Variants in LRRC8C observed in about 807,000 individuals in gnomAD.
LRRC8C encodes leucine rich repeat containing 8 VRAC subunit C.
A neutral mutation model predicts 55.3 loss-of-function variants in LRRC8C; 20 were observed. The observed-to-expected ratio is 0.36, with a 90% confidence interval of 0.25 to 0.53. The LOEUF (loss-of-function observed/expected upper bound fraction) is 0.53. Ranked by LOEUF, LRRC8C falls within the 20% of genes least tolerant of loss-of-function variation. The pLI, the probability that LRRC8C is intolerant of heterozygous loss-of-function variation, is 0.92. For missense variants in LRRC8C, 659 were observed against 951.4 expected (o/e 0.69, Z 4.04); for synonymous variants, 376 against 360.7 (o/e 1.04, Z -0.48).
At chr1:89,711,171 A>T (rs1326992262) in intron 2 of LRRC8C, among the ~76,000 whole-genome samples, 1 of 152,220 alleles carries the variant, frequency 6.6e-6, no homozygotes, top group Non-Finnish European at 1.5e-5. Flanking sequence ...GACTATTGGC[A>T]ATTTTGGATT....
At chr1:89,699,868 C>T (rs191857633) in intron 2 of LRRC8C, among the ~76,000 whole-genome samples, 88 of 152,318 alleles carry the variant, frequency 5.8e-4, no homozygotes, top group African/African-American at 1.9e-3. Flanking sequence ...TTTTCATTCT[C>T]ATTCTCACCA....
At chr1:89,705,997 A>G (rs774409495) in intron 2 of LRRC8C, among the ~76,000 whole-genome samples, 1 of 152,144 alleles carries the variant, frequency 6.6e-6, no homozygotes, top group Admixed American at 6.5e-5. Context: ...AGTGATCCCA[A>G]TAAAAATACT....
At chr1:89,683,592 A>T (rs999605664) in intron 1 of LRRC8C, among the ~76,000 whole-genome samples, 2 of 152,080 alleles carry the variant, frequency 1.3e-5, no homozygotes, top group Non-Finnish European at 2.9e-5. Context: ...TCCTGACCTC[A>T]TGATCCACCA....
At chr1:89,618,096 C>T in the LRRC8C span, among the ~76,000 whole-genome samples, 2 of 152,290 alleles carry the variant, frequency 1.3e-5, no homozygotes, top group Admixed American at 1.3e-4. Context: ...CTCCAGCCCC[C>T]TTCCCCTCCT....
Position 89,713,857 on chromosome 1 carries a change from T to A in LRRC8C, c.1287T>A (p.Pro429=), listed in dbSNP as rs1188338687. ...ATGCCCATAATCGACTGGAATTGCCTCTTATCATGCTCTCTGGCCTTCCAG... is the reference window on the plus strand; with the variant it reads ...ATGCCCATAATCGACTGGAATTGCCACTTATCATGCTCTCTGGCCTTCCAG... ...QTNAHNRLEL[P]LIMLSGLPDT... Residue 429 remains proline, a synonymous_variant, in exon 3 of 3, where the codon CCT becomes CCA. Coordinates refer to ENST00000370454, the MANE Select transcript of LRRC8C (RefSeq NM_032270.5). The surrounding 1 kb of genome is among the most constrained non-coding windows in gnomAD (Gnocchi z 5.2). 1 of 1,614,234 alleles carries A rather than the reference T, an allele frequency of 6.2e-7. No homozygotes were observed. The highest frequency in any genetic ancestry group is 1.3e-5 in the African/African-American group (1 of 75,060).
At chr1:89,708,789 C>T (rs1658561608) in intron 2 of LRRC8C, 1 of 152,162 alleles carries the variant, frequency 6.6e-6, no homozygotes, top group South Asian at 2.1e-4. Flanking sequence ...ACTGTTGGAC[C>T]TCCTAACCTG....
chr1:89,707,919 C>T (rs1231669034), intron 2 of LRRC8C, among the ~76,000 whole-genome samples: 1 of 152,062 alleles, frequency 6.6e-6, no homozygotes, highest in Admixed American at 6.5e-5. Flanking sequence ...CTCAGTGTCT[C>T]ATTCTTCTGT....
At chr1:89,706,948 C>A (rs1658497144) in intron 2 of LRRC8C, among the ~76,000 whole-genome samples, 1 of 152,124 alleles carries the variant, frequency 6.6e-6, no homozygotes, top group Admixed American at 6.5e-5. Flanking sequence ...TTTAGTGAAT[C>A]CATTTAACCA....
intron 1 of LRRC8C, among the ~76,000 whole-genome samples, chr1:89,660,168 A>T (rs1038799628): frequency 3.3e-5 from 5 of 152,160 alleles, no homozygotes; most frequent in Non-Finnish European, 5.9e-5. Flanking sequence ...TTAACCAAAG[A>T]TGTGATATTA....
intron 1 of LRRC8C, among the ~76,000 whole-genome samples, chr1:89,648,246 AAATT>A (rs1321926875): frequency 6.6e-6 from 1 of 152,240 alleles, no homozygotes; most frequent in Non-Finnish European, 1.5e-5. Flanking sequence ...CCCCTGCTTA[AAATT>A]AATTATCTAA....
intron 1 of LRRC8C, among the ~76,000 whole-genome samples, chr1:89,644,639 C>T (rs1656563828): frequency 6.6e-6 from 1 of 152,158 alleles, no homozygotes; most frequent in Non-Finnish European, 1.5e-5. Context: ...ATACATAGTC[C>T]AAAGGTAGAG....
intron 1 of LRRC8C, among the ~76,000 whole-genome samples, chr1:89,657,609 C>G (rs1656985141): frequency 6.6e-6 from 1 of 152,038 alleles, no homozygotes; most frequent in African/African-American, 2.4e-5. Context: ...GGCGTGGTAG[C>G]ACACGCCTAT....
chr1:89,678,868 G>A (rs1657624126), intron 1 of LRRC8C, among the ~76,000 whole-genome samples: 1 of 152,164 alleles, frequency 6.6e-6, no homozygotes. Context: ...GTGGAGAAGG[G>A]TTTGCTGTGG....
At chr1:89,652,945 A>C (rs547718501) in intron 1 of LRRC8C, among the ~76,000 whole-genome samples, 1 of 152,248 alleles carries the variant, frequency 6.6e-6, no homozygotes, top group Non-Finnish European at 1.5e-5. Context: ...AAATATAAAT[A>C]TGTTCCCCTG....
intron 1 of LRRC8C, among the ~76,000 whole-genome samples, chr1:89,645,646 A>G (rs1656589812): frequency 6.6e-6 from 1 of 152,150 alleles, no homozygotes. Flanking sequence ...AATACATGTC[A>G]TAGAGTATAA....
intron 1 of LRRC8C, among the ~76,000 whole-genome samples, chr1:89,679,865 A>G (rs2101261237): frequency 6.6e-6 from 1 of 152,350 alleles, no homozygotes; most frequent in South Asian, 2.1e-4. Context: ...TAGCCACAAA[A>G]CAGTGTTAGC....
At chr1:89,648,801 G>C (rs1223893886) in intron 1 of LRRC8C, among the ~76,000 whole-genome samples, 5 of 152,110 alleles carry the variant, frequency 3.3e-5, no homozygotes, top group African/African-American at 4.8e-5. Context: ...CAATAGATTT[G>C]CCTATTCTGG....
intron 2 of LRRC8C, among the ~76,000 whole-genome samples, chr1:89,700,855 T>C (rs200596212): frequency 6.6e-6 from 1 of 152,262 alleles, no homozygotes; most frequent in Non-Finnish European, 1.5e-5. Flanking sequence ...GTTAAAGTAC[T>C]GTCTTTTTAA....
chr1:89,715,041 T>G lies in LRRC8C; in HGVS notation c.*59T>G, dbSNP rs568481391. The G allele has an allele frequency of 1.6e-4, 198 of 1,245,770 alleles. No homozygotes were observed. In the African/African-American group the frequency reaches 2.6e-3, roughly 16 times the overall value. The allele number at this position is 1,245,770 out of a possible 1,614,324, so 77.2% of individuals were successfully genotyped here. ...TTCTACCAAATACAGTATAAATAAT[T>G]AGGTAGTCTTAATGCCTTTCCTATT... is the stretch of plus-strand genomic sequence containing the variant. On this transcript the variant is annotated 3_prime_UTR_variant, in exon 3 of 3. Transcript: ENST00000370454.
Sources: gnomAD v4.1 joint callset for allele counts (sites outside exome capture counted in the v4.1 genomes callset) on GRCh38, gnomAD v4.1.1 for gene constraint, Gnocchi (gnomAD v3.1) non-coding constraint, MANE v1.5 for transcripts, NCBI Gene and HGNC (gene_info 2026-07-23, HGNC 2026-07-21) for gene names.